Variants in ARHGAP42 observed in about 807,000 individuals in gnomAD.
ARHGAP42 encodes the protein Rho GTPase activating protein 42, also known as rho GTPase-activating protein 42.
Under a neutral mutation model 125.0 loss-of-function variants are expected in ARHGAP42, and 63 were observed. That is an observed-to-expected ratio of 0.50 (90% CI 0.41 to 0.62). The LOEUF is 0.62. ARHGAP42 is among the 20% of genes least tolerant of loss of function. The pLI is 0.00. For missense variants in ARHGAP42, 766 were observed against 1,024.2 expected, an observed-to-expected ratio of 0.75 and a Z score of 3.44; for synonymous variants, 339 against 351.0, an observed-to-expected ratio of 0.97 and a Z score of 0.38.
Position 100,936,995 on chromosome 11 carries a change from C to A in ARHGAP42, c.832+663C>A, listed in dbSNP as rs191841065. ...TATGCCCTAAGGCATCATTCTCGTG[C>A]TGTTTTTGGTGAAGAAACAGTTGTG... is the stretch of plus-strand genomic sequence containing the variant. On this transcript the variant is annotated intron_variant, in intron 8 of 23. Transcript: ENST00000298815. Among the ~76,000 whole-genome samples the A allele has an allele frequency of 1.3e-4, 20 of 152,350 alleles. No homozygotes were observed. In the East Asian group the frequency reaches 3.3e-3, roughly 25 times the overall value.
At chr11:100,892,059 GGAGAT>G (rs1251173160) in intron 4 of ARHGAP42, among the ~76,000 whole-genome samples, 1 of 152,156 alleles carries the variant, frequency 6.6e-6, no homozygotes, top group Non-Finnish European at 1.5e-5. Flanking sequence ...TCCAAGTGTT[GGAGAT>G]GAGACGAAAA....
At chr11:100,869,533 TAGTC>T (rs1203931170) in intron 4 of ARHGAP42, among the ~76,000 whole-genome samples, 1 of 152,244 alleles carries the variant, frequency 6.6e-6, no homozygotes, top group African/African-American at 2.4e-5. Context: ...TAGAAACTGT[TAGTC>T]AGTAGTTATC....
intron 4 of ARHGAP42, among the ~76,000 whole-genome samples, chr11:100,900,903 A>G (rs641341): frequency 0.8 from 121,130 of 152,118 alleles, 48,686 homozygotes; most frequent in East Asian, 1. Flanking sequence ...ACTCGTCAAA[A>G]TCATTCTCTG....
chr11:100,988,406 T>C (rs1328889157), intron 23 of ARHGAP42, among the ~76,000 whole-genome samples: 1 of 152,184 alleles, frequency 6.6e-6, no homozygotes, highest in Non-Finnish European at 1.5e-5. Context: ...TAAATAATAA[T>C]ACAAATTTTA....
At chr11:100,729,678 C>T (rs565836025) in intron 1 of ARHGAP42, among the ~76,000 whole-genome samples, 274 of 152,120 alleles carry the variant, frequency 1.8e-3, no homozygotes, top group African/African-American at 5.1e-3. Context: ...CATTTCTAAA[C>T]GTATTATTTG....
intron 4 of ARHGAP42, among the ~76,000 whole-genome samples, chr11:100,906,549 G>T (rs185030128): frequency 1.3e-5 from 2 of 150,088 alleles, no homozygotes; most frequent in African/African-American, 4.9e-5. Flanking sequence ...ATTGTACAGT[G>T]TACATATTGG....
intron 2 of ARHGAP42, among the ~76,000 whole-genome samples, chr11:100,773,336 A>G (rs554760989): frequency 2.6e-5 from 4 of 152,326 alleles, no homozygotes; most frequent in African/African-American, 9.6e-5. Context: ...AATGATATAT[A>G]TAATTTGGTA....
chr11:100,797,730 T>G (rs1863753433), intron 3 of ARHGAP42, among the ~76,000 whole-genome samples: 1 of 152,266 alleles, frequency 6.6e-6, no homozygotes, highest in African/African-American at 2.4e-5. Context: ...ACATTCATTC[T>G]GCAGCCCATG....
chr11:100,881,204 T>G (rs1865952869), intron 4 of ARHGAP42, among the ~76,000 whole-genome samples: 1 of 152,202 alleles, frequency 6.6e-6, no homozygotes, highest in South Asian at 2.1e-4. Flanking sequence ...TCTTCTAGAA[T>G]TTTTATAGAT....
chr11:100,744,538 CTGTGTGTGTG>C (rs34640167), intron 1 of ARHGAP42, among the ~76,000 whole-genome samples: 6 of 148,636 alleles, frequency 4.0e-5, no homozygotes, highest in Middle Eastern at 3.6e-3. Flanking sequence ...ATATTTTACT[CTGTGTGTGTG>C]TGTGTGTGTG....
At chr11:100,691,519 G>A (rs527476412) in intron 1 of ARHGAP42, among the ~76,000 whole-genome samples, 41 of 152,104 alleles carry the variant, frequency 2.7e-4, no homozygotes, top group African/African-American at 9.9e-4. Context: ...TAAGCAAGGA[G>A]ATTTTTATTT....
At position 100,725,599 on chromosome 11, in the gene ARHGAP42, A is replaced by G. The variant is rs116256182; in HGVS notation, c.154+37767A>G. On this transcript the variant is annotated intron_variant, in intron 1 of 23. Coordinates refer to ENST00000298815, the MANE Select transcript of ARHGAP42 (RefSeq NM_152432.4). The stretch of plus-strand genomic sequence containing the variant: ...TTTGAGGCCAAGAGTTTGAGCGGGC[A>G]ACTGTATCTACCAAAAATTTAAAAA... Among the ~76,000 whole-genome samples, 390 of 151,806 alleles carry G rather than the reference A, an allele frequency of 2.6e-3. 1 individual carries two copies. The highest frequency in any genetic ancestry group is 9.1e-3 in the African/African-American group (376 of 41,376).
intron 8 of ARHGAP42, 22 bp from the exon 9 acceptor site, chr11:100,941,762 T>C: frequency 7.0e-7 from 1 of 1,419,850 alleles, no homozygotes; most frequent in Non-Finnish European, 9.4e-7. Flanking sequence ...AAATCTGAAA[T>C]TTTTTTGTTT....
At chr11:100,769,929 C>T (rs1263256748) in intron 1 of ARHGAP42, among the ~76,000 whole-genome samples, 1 of 151,934 alleles carries the variant, frequency 6.6e-6, no homozygotes, top group Non-Finnish European at 1.5e-5. Flanking sequence ...ACCACTATAA[C>T]ACACGTTTAC....
intron 4 of ARHGAP42, among the ~76,000 whole-genome samples, chr11:100,863,512 A>C (rs948823897): frequency 6.6e-6 from 1 of 152,184 alleles, no homozygotes; most frequent in Non-Finnish European, 1.5e-5. Context: ...ATTCTATGGC[A>C]CTTTGAGACA....
At chr11:100,728,717 T>C (rs1195900216) in intron 1 of ARHGAP42, among the ~76,000 whole-genome samples, 1 of 5,772 alleles carries the variant, frequency 1.7e-4, no homozygotes, top group East Asian at 1.9e-3. Flanking sequence ...ACTTTGCGTA[T>C]ATATATATAT....
chr11:100,877,123 GC>G (rs11312571), intron 4 of ARHGAP42, among the ~76,000 whole-genome samples: 15,791 of 152,200 alleles, frequency 0.1, 834 homozygotes, highest in African/African-American at 0.12. Context: ...GTCTCTTAAA[GC>G]CAAATTCTTG....
chr11:100,811,466 T>C (rs1864140117), intron 3 of ARHGAP42, among the ~76,000 whole-genome samples: 1 of 151,598 alleles, frequency 6.6e-6, no homozygotes, highest in African/African-American at 2.4e-5. Context: ...ATGGAGTAGG[T>C]GATCTATGTT....
chr11:100,867,137 C>G (rs756483798), intron 4 of ARHGAP42, among the ~76,000 whole-genome samples: 1 of 152,198 alleles, frequency 6.6e-6, no homozygotes, highest in African/African-American at 2.4e-5. Flanking sequence ...ATTCCACATA[C>G]ATCTTAAGGG....
Sources: gnomAD v4.1 joint callset for allele counts (sites outside exome capture counted in the v4.1 genomes callset) on GRCh38, gnomAD v4.1.1 for gene constraint, MANE v1.5 for transcripts, NCBI Gene and HGNC (gene_info 2026-07-23, HGNC 2026-07-21) for gene names.